The following ALDH2 variants were observed in gnomAD, a reference collection of about 807,000 sequenced individuals.
ALDH2 encodes the protein aldehyde dehydrogenase, mitochondrial.
Under a neutral mutation model 59.6 loss-of-function variants are expected in ALDH2, and 44 were observed. That is an observed-to-expected ratio of 0.74 (90% CI 0.58 to 0.95). The LOEUF is 0.95. ALDH2 is among the 40% of genes least tolerant of loss of function. ALDH2 has a pLI of 0.00. For missense variants in ALDH2, 570 were observed against 696.3 expected, an observed-to-expected ratio of 0.82 and a Z score of 2.04; for synonymous variants, 291 against 284.0, an observed-to-expected ratio of 1.02 and a Z score of -0.25.
rs1169043057 is a variant in ALDH2, at chr12:111,804,671, C to T, written c.1521+698C>T. Among the ~76,000 whole-genome samples, 8 of 150,188 alleles carry T rather than the reference C, an allele frequency of 5.3e-5. No homozygotes were observed. In the East Asian group the frequency reaches 5.9e-4, roughly 11 times the overall value. The stretch of plus-strand genomic sequence containing the variant: ...CTGAGGCAGGAGAATCGCTTGAACA[C>T]GGGAGGCGGAGGTTGCAGTGAGTCG... On this transcript the variant is annotated intron_variant, in intron 12 of 12. Coordinates refer to ENST00000261733, the MANE Select transcript of ALDH2 (RefSeq NM_000690.4).
rs993233505 is a variant in ALDH2 at position 111,813,080 on chromosome 12, T to G, written c.*3505T>G. The G allele has an allele frequency of 2.0e-5, 3 of 152,214 alleles. No individual in the cohort carries two copies. Among genetic ancestry groups the G allele is most frequent in the Admixed American group, 2.0e-4 (3 of 15,280 alleles). 9.4% of individuals were successfully genotyped at this position (152,214 alleles called of 1,614,324 possible). Reference sequence around the variant, plus strand: ...TTTTGACAACCTAGACACATTAATCTCCTTGCACTTTTAGTGACAGGAACC... The same window carrying G: ...TTTTGACAACCTAGACACATTAATCGCCTTGCACTTTTAGTGACAGGAACC... On this transcript the variant is annotated 3_prime_UTR_variant, in exon 13 of 13. Coordinates refer to ENST00000261733, the MANE Select transcript of ALDH2 (RefSeq NM_000690.4).
chr12:111,783,415 G>C, intron 3 of ALDH2, 117 bp downstream of exon 3: 8 of 1,302,838 alleles, frequency 6.1e-6, no homozygotes, highest in Non-Finnish European at 7.3e-6. Context: ...CATCTGACAC[G>C]GGACTGATGG....
chr12:111,795,979 G>A (rs998060712), intron 9 of ALDH2, among the ~76,000 whole-genome samples: 2 of 152,044 alleles, frequency 1.3e-5, no homozygotes, highest in Non-Finnish European at 2.9e-5. Flanking sequence ...AAAGTGTTTA[G>A]GCTATGTGTG....
intron 10 of ALDH2, 105 bp from the exon 11 acceptor site, chr12:111,799,801 T>TG (rs1224424241): frequency 1.5e-6 from 2 of 1,360,044 alleles, no homozygotes; most frequent in East Asian, 4.8e-5. Context: ...AGAGCATGGC[T>TG]GGGGGCTTAT....
At position 111,809,534 on chromosome 12, in the gene ALDH2, C is replaced by T. The variant is rs745399368; in HGVS notation, c.1522-9C>T. On this transcript the variant is annotated splice_polypyrimidine_tract_variant and intron_variant, in intron 12 of 12. Coordinates refer to ENST00000261733, the MANE Select transcript of ALDH2 (RefSeq NM_000690.4). The stretch of plus-strand genomic sequence containing the variant: ...GGAAGATCTAACGGCTTCTCTGTCC[C>T]CCTTACAGGTCACAGTCAAAGTGCC... The T allele has an allele frequency of 5.6e-6, 9 of 1,614,054 alleles. No individual in the cohort carries two copies. The African/African-American group carries it at 8.0e-5, about 14-fold the overall frequency.
chr12:111,798,078 G>A lies in ALDH2; in HGVS notation c.1084G>A (p.Val362Met). 1 of 1,614,102 alleles carries A rather than the reference G, an allele frequency of 6.2e-7. No homozygotes were observed. The highest frequency in any genetic ancestry group is 8.5e-7 in the Non-Finnish European group (1 of 1,180,026). Residue 362 changes from valine to methionine, a missense_variant and splice_region_variant, in exon 10 of 13, where the codon GTG (valine) becomes ATG (methionine). Coordinates refer to ENST00000261733, the MANE Select transcript of ALDH2 (RefSeq NM_000690.4). ...TAACTCTGGGTTCCTTCTCCCACAG[G>A]TGGATGAAACTCAGTTTAAGAAGAT... The part of the protein sequence containing the change: ...FDSKTEQGPQ[V>M]DETQFKKILG...
rs1272060799 is a variant in ALDH2 at position 111,809,589 on chromosome 12, T to C, written c.*14T>C. The C allele has an allele frequency of 6.8e-6, 11 of 1,614,026 alleles. No individual in the cohort carries two copies. The highest frequency in any genetic ancestry group is 8.5e-6 in the Non-Finnish European group (10 of 1,179,952). On this transcript the variant is annotated 3_prime_UTR_variant, in exon 13 of 13. Coordinates refer to ENST00000261733, the MANE Select transcript of ALDH2 (RefSeq NM_000690.4). ...AAGAACTCATAAGAATCATGCAAGC[T>C]TCCTCCCTCAGCCATTGATGGAAAG...
At chr12:111,801,333 G>C (rs2068449783) in intron 11 of ALDH2, among the ~76,000 whole-genome samples, 1 of 152,158 alleles carries the variant, frequency 6.6e-6, no homozygotes, top group South Asian at 2.1e-4. Flanking sequence ...TTTGGGTGGG[G>C]ACAAAGCCAA....
Position 111,810,835 on chromosome 12 carries a change from G to C in ALDH2, c.*1260G>C, listed in dbSNP as rs59442110. On this transcript the variant is annotated 3_prime_UTR_variant, in exon 13 of 13. Coordinates refer to ENST00000261733, the MANE Select transcript of ALDH2 (RefSeq NM_000690.4). ...TGATCCTCCCGCCTTAGCCTCCTAAGGTGCTGGGATTACAGGTGTGAGCCA... is the reference window on the plus strand; with the variant it reads ...TGATCCTCCCGCCTTAGCCTCCTAACGTGCTGGGATTACAGGTGTGAGCCA... 6.6e-6 allele frequency: 1 copy of C among 152,058 alleles called. No individual in the cohort carries two copies. Among genetic ancestry groups the C allele is most frequent in the Non-Finnish European group, 1.5e-5 (1 of 68,054 alleles). The allele number at this position is 152,058 out of a possible 1,614,324, so 9.4% of individuals were successfully genotyped here. A position where few individuals can be genotyped will look rare whatever the true frequency, so the allele number is the denominator to read the frequency against.
rs2068368375 is a variant in ALDH2, at chr12:111,792,433, G to A, written c.899-165G>A. Among the ~76,000 whole-genome samples the A allele has an allele frequency of 2.0e-5, 3 of 152,228 alleles. 1 individual carries two copies. The South Asian group carries it at 6.2e-4, about 32-fold the overall frequency. On this transcript the variant is annotated intron_variant, in intron 8 of 12. Coordinates refer to ENST00000261733, the MANE Select transcript of ALDH2 (RefSeq NM_000690.4). Reference sequence around the variant, plus strand: ...GCCATCACGCCCTTTGTCCTGGTTGGCAGTGGGCTCCGAGAGCACCCCTCA... The same window carrying A: ...GCCATCACGCCCTTTGTCCTGGTTGACAGTGGGCTCCGAGAGCACCCCTCA...
chr12:111,798,004 C>T (rs909040595), intron 9 of ALDH2, 74 bp from the exon 10 acceptor site: 5 of 1,570,224 alleles, frequency 3.2e-6, no homozygotes, highest in African/African-American at 1.3e-5. Context: ...TTGTTGCCTG[C>T]ATAATTCTAA....
intron 7 of ALDH2, 41 bp from the exon 8 acceptor site, chr12:111,792,020 C>T (rs772375885): frequency 5.3e-6 from 7 of 1,327,816 alleles, no homozygotes; most frequent in Admixed American, 1.7e-5. Context: ...ACTCTTTTCT[C>T]CCGGCACTGA....
At chr12:111,791,694 A>T (rs1314985828) in intron 7 of ALDH2, among the ~76,000 whole-genome samples, 1 of 152,130 alleles carries the variant, frequency 6.6e-6, no homozygotes, top group Non-Finnish European at 1.5e-5. Context: ...GCTTGCCCCA[A>T]ATCAAAGCAT....
At position 111,800,177 on chromosome 12, in the gene ALDH2, T is replaced by C. The variant is rs4646779; in HGVS notation, c.1406+114T>C. ...TTGGGGAGCTGGGCTCAGTTTCTCC[T>C]GGGTCAGGGTGTGATGTCGATTTGA... On this transcript the variant is annotated intron_variant, in intron 11 of 12. Transcript: ENST00000261733. The C allele has an allele frequency of 5.5e-4, 710 of 1,297,580 alleles. 4 individuals carry two copies. In the East Asian group the frequency reaches 0.016, roughly 28 times the overall value. 80.4% of individuals were successfully genotyped at this position (1,297,580 alleles called of 1,614,324 possible).
chr12:111,783,412 C>T (rs2068288139), intron 3 of ALDH2, 114 bp downstream of exon 3: 1 of 1,341,180 alleles, frequency 7.5e-7, no homozygotes, highest in Non-Finnish European at 1.0e-6. Flanking sequence ...ACACATCTGA[C>T]ACGGGACTGA....
At chr12:111,769,307 C>A (rs2068181868) in intron 1 of ALDH2, among the ~76,000 whole-genome samples, 1 of 152,008 alleles carries the variant, frequency 6.6e-6, no homozygotes, top group Non-Finnish European at 1.5e-5. Flanking sequence ...AATTCCAGCA[C>A]TTTGGGATGC....
chr12:111,770,167 G>C (rs1040284582), intron 1 of ALDH2, among the ~76,000 whole-genome samples: 3 of 151,952 alleles, frequency 2.0e-5, no homozygotes, highest in Non-Finnish European at 2.9e-5. Flanking sequence ...AATGTGGGGG[G>C]TAAAATTCCA....
chr12:111,792,336 C>T (rs2068367561), intron 8 of ALDH2, among the ~76,000 whole-genome samples, 173 bp downstream of exon 8: 1 of 152,264 alleles, frequency 6.6e-6, no homozygotes, highest in South Asian at 2.1e-4. Context: ...GGCCTGTCCC[C>T]AGCCTCTCCC....
chr12:111,796,296 T>G (rs1384581206), intron 9 of ALDH2, among the ~76,000 whole-genome samples: 2 of 151,870 alleles, frequency 1.3e-5, no homozygotes, highest in Non-Finnish European at 2.9e-5. Flanking sequence ...CACTCCAGCC[T>G]GGGTGACAGA....
Sources: gnomAD v4.1 joint callset for allele counts (sites outside exome capture counted in the v4.1 genomes callset) on GRCh38, gnomAD v4.1.1 for gene constraint, MANE v1.5 for transcripts, NCBI Gene and HGNC (gene_info 2026-07-23, HGNC 2026-07-21) for gene names.